The following MAX variants were observed in gnomAD, a reference collection of about 807,000 sequenced individuals.
MAX encodes the protein protein max.
A neutral mutation model predicts 22.3 loss-of-function variants in MAX; 3 were observed. The observed-to-expected ratio is 0.13, with a 90% CI of 0.06 to 0.35. The LOEUF (loss-of-function observed/expected upper bound fraction) is 0.35. MAX is among the 10% of genes least tolerant of loss of function. The probability of loss-of-function intolerance (pLI) is 1.00; values close to 1 mark genes in which losing one functional copy is unlikely to be tolerated. For synonymous variants in MAX, 72 were observed against 77.7 expected (o/e 0.93, Z 0.39); for missense variants, 119 against 209.4 (o/e 0.57, Z 2.66).
intron 2 of MAX, among the ~76,000 whole-genome samples, chr14:65,100,626 G>C (rs2063803831): frequency 6.6e-6 from 1 of 152,068 alleles, no homozygotes; most frequent in South Asian, 2.1e-4. Flanking sequence ...ATGGGCATTT[G>C]AACTTTTTAC....
At chr14:65,071,792 C>T (rs887104333), downstream of MAX, among the ~76,000 whole-genome samples, 6 of 152,244 alleles carry the variant, frequency 3.9e-5, no homozygotes, top group African/African-American at 1.4e-4. The surrounding 1 kb of genome is among the most constrained non-coding windows in gnomAD (Gnocchi z 4.2). Flanking sequence ...AAGGACAACA[C>T]TTACCAGCAG....
At chr14:65,013,467 G>T (rs2061716741) in intron 3 of MAX, among the ~76,000 whole-genome samples, 1 of 152,032 alleles carries the variant, frequency 6.6e-6, no homozygotes, top group Non-Finnish European at 1.5e-5. Context: ...TTCAATCCTT[G>T]ACTCAAGTCC....
intron 3 of MAX, among the ~76,000 whole-genome samples, chr14:65,038,861 T>C (rs997052345): frequency 1.3e-5 from 2 of 152,252 alleles, no homozygotes; most frequent in African/African-American, 4.8e-5. Context: ...TTTTTAGTTT[T>C]CCTCCCTGAC....
In MAX at chr14:65,087,557, T is replaced by C. The variant is rs142289856; in HGVS notation, c.171+6151A>G. ...TTAGATTTGACTGCCCTGCTGGATT[T>C]TGGACTTGCATGAGGCCTGTAGCCC... On this transcript the variant is annotated intron_variant, in intron 3 of 4. Transcript: ENST00000358664. Among the ~76,000 whole-genome samples the C allele has an allele frequency of 1.4e-4, 22 of 152,348 alleles. No homozygotes were observed. The East Asian group carries it at 4.0e-3, about 28-fold the overall frequency.
chr14:65,086,302 C>T (rs1270767091), intron 3 of MAX, among the ~76,000 whole-genome samples: 1 of 152,148 alleles, frequency 6.6e-6, no homozygotes, highest in African/African-American at 2.4e-5. Flanking sequence ...GAAAAGATAC[C>T]TGAAAATGTG....
chr14:65,024,601 C>A (rs909845397), intron 3 of MAX, among the ~76,000 whole-genome samples: 3 of 151,996 alleles, frequency 2.0e-5, no homozygotes, highest in Non-Finnish European at 4.4e-5. Context: ...GCCTTGCTGA[C>A]GTTAAAGAAA....
In MAX at chr14:65,093,566, CCAAA is replaced by C. The variant is rs1274163676; in HGVS notation, c.171+138_171+141del. On this transcript the variant is annotated intron_variant, in intron 3 of 4. Coordinates refer to ENST00000358664, the MANE Select transcript of MAX (RefSeq NM_002382.5). The surrounding 1 kb of genome is among the most constrained non-coding windows in gnomAD (Gnocchi z 4.4). ...AGTACGTAAGGTGTGCAGTGATCCT[CCAAA>C]CAGTCAAAAATAAGGCAACCATGCT... 1.4e-6 allele frequency: 1 copy of C among 698,396 alleles called. No homozygotes were observed. Among genetic ancestry groups the C allele is most frequent in the Admixed American group, 2.0e-5 (1 of 49,694 alleles). The allele number at this position is 698,396 out of a possible 1,614,324, so 43.3% of individuals were successfully genotyped here.
In MAX at chr14:65,012,491, A is replaced by G; in HGVS notation, c.172-6207T>C. ...GACTGTTGGGGCTGACCTGTTGCAG[A>G]GTCACTCTTTGTTCTCTGTGGCTCT... On this transcript the variant is annotated intron_variant, in intron 3 of 3. Transcript: ENST00000341653. The surrounding 1 kb of genome is among the most constrained non-coding windows in gnomAD (Gnocchi z 5.0). 1 of 1,478,378 alleles carries G rather than the reference A, an allele frequency of 6.8e-7. No homozygotes were observed. Among genetic ancestry groups the G allele is most frequent in the Non-Finnish European group, 9.3e-7 (1 of 1,080,996 alleles). 91.6% of individuals were successfully genotyped at this position (1,478,378 alleles called of 1,614,324 possible). A position where few individuals can be genotyped will look rare whatever the true frequency, so the allele number is the denominator to read the frequency against.
Position 65,102,357 on chromosome 14 carries a change from G to A in MAX, c.-18C>T, listed in dbSNP as rs201456746. 151 of 1,613,484 alleles carry A rather than the reference G, an allele frequency of 9.4e-5. 1 individual carries two copies. Among genetic ancestry groups the A allele is most frequent in the Admixed American group, 8.0e-4 (48 of 59,998 alleles). On this transcript the variant is annotated 5_prime_UTR_variant, in exon 1 of 5. Transcript: ENST00000358664. ...TCGCTCATTTCCTACGGCCCAGGGA[G>A]CGGCCACTGCAGCGGCGGCGGGGAG...
chr14:65,035,865 CTTG>C (rs2062177970), intron 3 of MAX, among the ~76,000 whole-genome samples: 1 of 150,120 alleles, frequency 6.7e-6, no homozygotes, highest in African/African-American at 2.5e-5. Context: ...CACGGTCTTG[CTTG>C]TTGCCCTGGC....
chr14:65,038,256 A>G (rs1270074352), intron 3 of MAX, among the ~76,000 whole-genome samples: 1 of 151,530 alleles, frequency 6.6e-6, no homozygotes, highest in Non-Finnish European at 1.5e-5. Flanking sequence ...AAAATATACA[A>G]AACATTAGCC....
chr14:65,018,875 A>G (rs1342809354), intron 3 of MAX, among the ~76,000 whole-genome samples: 4 of 151,266 alleles, frequency 2.6e-5, no homozygotes, highest in African/African-American at 9.7e-5. Context: ...CTTTGGGAGA[A>G]CGAAGTGGGT....
chr14:65,079,377 T>TGCTA lies in MAX; in HGVS notation c.172-1345_172-1342dup, dbSNP rs2063146440. Among the ~76,000 whole-genome samples the TGCTA allele has an allele frequency of 6.6e-6, 1 of 152,188 alleles. No homozygotes were observed. The highest frequency in any genetic ancestry group is 1.5e-5 in the Non-Finnish European group (1 of 68,038). ...GCTGTGGGTTGCCTGGGTACTGCCT[T>TGCTA]GCTAGAGTAAGTTCGTAAGTCAATA... is the stretch of plus-strand genomic sequence containing the variant. On this transcript the variant is annotated intron_variant, in intron 3 of 4. Transcript: ENST00000358664. The surrounding 1 kb of genome is among the most constrained non-coding windows in gnomAD (Gnocchi z 4.5).
At chr14:65,061,662 G>A in intron 3 of MAX, 1 of 211,124 alleles carries the variant, frequency 4.7e-6, no homozygotes, top group Non-Finnish European at 9.9e-6. Flanking sequence ...CAGAGCCACT[G>A]CTGACTCCCA....
intron 3 of MAX, among the ~76,000 whole-genome samples, chr14:65,026,861 C>CAAA (rs577920846): frequency 7.4e-6 from 1 of 135,586 alleles, no homozygotes; most frequent in African/African-American, 2.7e-5. Flanking sequence ...AACCCCGCCT[C>CAAA]AAAAAAAAAA....
Position 65,007,182 on chromosome 14 carries a change from C to T in MAX, c.172-898G>A, listed in dbSNP as rs187961626. Among the ~76,000 whole-genome samples the T allele has an allele frequency of 3.8e-4, 58 of 152,086 alleles. No homozygotes were observed. Among genetic ancestry groups the T allele is most frequent in the Non-Finnish European group, 6.8e-4 (46 of 67,996 alleles). On this transcript the variant is annotated intron_variant, in intron 3 of 3. Coordinates refer to the MAX transcript ENST00000341653. This position sits in a 1 kb window ranked among gnomAD's most constrained non-coding sequence, Gnocchi z 4.9. ...GCAAACATCACCATCATAGAATAAGCGAGGATATAAGAATAAATTAGAAAA... is the reference window on the plus strand; with the variant it reads ...GCAAACATCACCATCATAGAATAAGTGAGGATATAAGAATAAATTAGAAAA...
rs1205957358 is a variant in MAX, at chr14:65,012,366, C to T, written c.172-6082G>A. The T allele has an allele frequency of 5.0e-6, 8 of 1,613,986 alleles. No individual in the cohort carries two copies. In the African/African-American group the frequency reaches 5.3e-5, roughly 11 times the overall value. ...CTTCCATTATCTGAAAAGAGGCCTT[C>T]GACAACTGACAGATGCCTATGAGGT... On this transcript the variant is annotated intron_variant, in intron 3 of 3. Transcript: ENST00000341653. This position sits in a 1 kb window ranked among gnomAD's most constrained non-coding sequence, Gnocchi z 5.0.
chr14:65,070,247 G>A (rs537436203), downstream of MAX, among the ~76,000 whole-genome samples: 60 of 152,308 alleles, frequency 3.9e-4, 1 homozygote, highest in Non-Finnish European at 6.8e-4. The surrounding 1 kb of genome is among the most constrained non-coding windows in gnomAD (Gnocchi z 4.4). Flanking sequence ...TGTCAGGCTT[G>A]TTTTTCTTGA....
chr14:65,022,135 CT>C, intron 3 of MAX: 1 of 453,196 alleles, frequency 2.2e-6, no homozygotes, highest in Admixed American at 2.4e-5. Context: ...GAGATTTCCT[CT>C]TCACTATATC....
Sources: gnomAD v4.1 joint callset for allele counts (sites outside exome capture counted in the v4.1 genomes callset) on GRCh38, gnomAD v4.1.1 for gene constraint, Gnocchi (gnomAD v3.1) non-coding constraint, MANE v1.5 for transcripts, NCBI Gene and HGNC (gene_info 2026-07-23, HGNC 2026-07-21) for gene names.